The following TRIM2 variants were observed in gnomAD, a reference collection of about 807,000 sequenced individuals.
TRIM2 encodes the protein tripartite motif containing 2.
A neutral mutation model predicts 75.2 loss-of-function variants in TRIM2; 20 were observed. The observed-to-expected ratio is 0.27, with a 90% CI of 0.19 to 0.39. The LOEUF is 0.39. TRIM2 is among the 10% of genes least tolerant of loss of function. TRIM2 has a pLI of 1.00. For missense variants in TRIM2, 660 were observed against 990.8 expected, an observed-to-expected ratio of 0.67 and a Z score of 4.48; for synonymous variants, 373 against 388.3, an observed-to-expected ratio of 0.96 and a Z score of 0.46.
rs138052903 is a variant in TRIM2, at chr4:153,240,970, C to T, written c.31-29365C>T. Among the ~76,000 whole-genome samples the T allele has an allele frequency of 2.2e-3, 331 of 152,192 alleles. 12 individuals carry two copies. The East Asian group carries it at 0.057, about 26-fold the overall frequency. On this transcript the variant is annotated intron_variant, in intron 1 of 11. Transcript: ENST00000338700. Reference sequence around the variant, plus strand: ...CGCACAGCTGTAATCCCAGCTACTCCGGAGGCTGAGGCAGGAGAATCGCTT... The same window carrying T: ...CGCACAGCTGTAATCCCAGCTACTCTGGAGGCTGAGGCAGGAGAATCGCTT...
rs1318004722 is a variant in TRIM2, at chr4:153,339,159, T to A, written c.*4193T>A. On this transcript the variant is annotated 3_prime_UTR_variant, in exon 12 of 12. Transcript: ENST00000338700. ...AACGCTGTGCATCAAAGTGTTTGTA[T>A]GTTCGTAGCTACATACGTACCACAG... 3.0e-6 allele frequency: 3 copies of A among 985,752 alleles called. No individual in the cohort carries two copies. The highest frequency in any genetic ancestry group is 3.6e-6 in the Non-Finnish European group (3 of 829,926). The allele number at this position is 985,752 out of a possible 1,614,324, so 61.1% of individuals were successfully genotyped here.
intron 1 of TRIM2, among the ~76,000 whole-genome samples, chr4:153,265,508 T>A (rs1754759989): frequency 6.6e-6 from 1 of 152,120 alleles, no homozygotes; most frequent in Non-Finnish European, 1.5e-5. Flanking sequence ...CACGCCTGAC[T>A]AATTTTTTGT....
chr4:153,253,709 C>A (rs1264389377), intron 1 of TRIM2, among the ~76,000 whole-genome samples: 1 of 152,188 alleles, frequency 6.6e-6, no homozygotes, highest in Non-Finnish European at 1.5e-5. Flanking sequence ...CCACCAAAAC[C>A]AAGATGGCCT....
At chr4:153,235,544 C>T (rs1744806467) in intron 1 of TRIM2, among the ~76,000 whole-genome samples, 1 of 152,082 alleles carries the variant, frequency 6.6e-6, no homozygotes, top group Non-Finnish European at 1.5e-5. Flanking sequence ...CCTCAGCCTC[C>T]CAAAGTGCTG....
In TRIM2 at chr4:153,336,783, C is replaced by T. The variant is rs1772501558; in HGVS notation, c.*1817C>T. ...TCTGTTAAATTTATTATGCCCAAAT[C>T]AACCTCTGAAAAAAGGTTTTTCCAG... is the stretch of plus-strand genomic sequence containing the variant. On this transcript the variant is annotated 3_prime_UTR_variant, in exon 12 of 12. Coordinates refer to ENST00000338700, the MANE Select transcript of TRIM2 (RefSeq NM_015271.5). 5.1e-6 allele frequency: 5 copies of T among 985,598 alleles called. No homozygotes were observed. The highest frequency in any genetic ancestry group is 6.0e-6 in the Non-Finnish European group (5 of 829,738). 61.1% of individuals were successfully genotyped at this position (985,598 alleles called of 1,614,324 possible). A position where few individuals can be genotyped will look rare whatever the true frequency, so the allele number is the denominator to read the frequency against.
chr4:153,158,380 G>A (rs945087411), intron 1 of TRIM2, among the ~76,000 whole-genome samples: 3 of 152,072 alleles, frequency 2.0e-5, no homozygotes, highest in African/African-American at 7.2e-5. Context: ...CAATTTCATT[G>A]GAAATTTTAT....
intron 1 of TRIM2, among the ~76,000 whole-genome samples, chr4:153,243,205 A>T (rs1165733125): frequency 2.6e-5 from 4 of 152,238 alleles, no homozygotes; most frequent in African/African-American, 4.8e-5. Context: ...TGGAGCCCCC[A>T]AGCTTCCTAT....
chr4:153,338,421 C>G lies in TRIM2; in HGVS notation c.*3455C>G. 1 of 985,624 alleles carries G rather than the reference C, an allele frequency of 1.0e-6. No individual in the cohort carries two copies. Among genetic ancestry groups the G allele is most frequent in the Non-Finnish European group, 1.2e-6 (1 of 829,820 alleles). 61.1% of individuals were successfully genotyped at this position (985,624 alleles called of 1,614,324 possible). ...TTAATAATTTAAAAACAAGACATCTCCAGGTAGGAAAAAATGAAAGCTATT... is the reference window on the plus strand; with the variant it reads ...TTAATAATTTAAAAACAAGACATCTGCAGGTAGGAAAAAATGAAAGCTATT... On this transcript the variant is annotated 3_prime_UTR_variant, in exon 12 of 12. Transcript: ENST00000338700.
chr4:153,192,533 G>T (rs754469826), intron 1 of TRIM2, among the ~76,000 whole-genome samples: 1 of 150,764 alleles, frequency 6.6e-6, no homozygotes, highest in Non-Finnish European at 1.5e-5. Flanking sequence ...CCTGAGCCTG[G>T]AAGGTCAAGT....
chr4:153,266,344 G>GTT (rs768231926), intron 1 of TRIM2, among the ~76,000 whole-genome samples: 7,228 of 119,982 alleles, frequency 0.06, 853 homozygotes, highest in African/African-American at 0.22. Context: ...TAATTTTTGG[G>GTT]TTTTTTTTTT....
At chr4:153,176,350 G>C (rs1227581121) in intron 1 of TRIM2, among the ~76,000 whole-genome samples, 1 of 152,028 alleles carries the variant, frequency 6.6e-6, no homozygotes, top group Non-Finnish European at 1.5e-5. Flanking sequence ...CTACTAGGGA[G>C]GCTGAGGTGG....
At chr4:153,211,096 T>C (rs4274823) in intron 1 of TRIM2, among the ~76,000 whole-genome samples, 52,814 of 151,988 alleles carry the variant, frequency 0.35, 10,079 homozygotes, top group East Asian at 0.62. Context: ...CTGCCTTTTT[T>C]TCTCACAAGC....
intron 8 of TRIM2, among the ~76,000 whole-genome samples, chr4:153,321,806 G>A (rs766398310): frequency 6.6e-6 from 1 of 152,146 alleles, no homozygotes; most frequent in Admixed American, 6.5e-5. Flanking sequence ...ACTGCTTGCT[G>A]TGTGCTACAC....
chr4:153,184,235 C>T (rs767357980), intron 1 of TRIM2, among the ~76,000 whole-genome samples: 7 of 152,164 alleles, frequency 4.6e-5, no homozygotes, highest in South Asian at 2.1e-4. Flanking sequence ...GGCTGGAAGT[C>T]GAAGGTCAGG....
At chr4:153,266,951 A>G (rs1343897041) in intron 1 of TRIM2, 14 of 150,004 alleles carry the variant, frequency 9.3e-5, no homozygotes, top group African/African-American at 3.2e-4. Flanking sequence ...AGAAGGAGAA[A>G]CAAAATCTGT....
At chr4:153,195,107 C>T (rs1030131065) in intron 1 of TRIM2, among the ~76,000 whole-genome samples, 3 of 152,112 alleles carry the variant, frequency 2.0e-5, no homozygotes, top group Non-Finnish European at 2.9e-5. Flanking sequence ...TTAGGGTGGG[C>T]CTTAAATCCA....
intron 6 of TRIM2, among the ~76,000 whole-genome samples, chr4:153,313,023 A>C (rs2149516895): frequency 6.6e-6 from 1 of 152,264 alleles, no homozygotes; most frequent in African/African-American, 2.4e-5. Flanking sequence ...TATATAAGCA[A>C]CGTTAGACAA....
chr4:153,204,788 T>C (rs1734938983), intron 1 of TRIM2, among the ~76,000 whole-genome samples: 1 of 152,172 alleles, frequency 6.6e-6, no homozygotes, highest in Non-Finnish European at 1.5e-5. Context: ...GAGACACAGC[T>C]GGATTTGACA....
intron 1 of TRIM2, among the ~76,000 whole-genome samples, chr4:153,235,506 G>A (rs1444687466): frequency 3.9e-5 from 6 of 151,910 alleles, no homozygotes; most frequent in East Asian, 1.9e-4. Context: ...GGCTGGTCTC[G>A]AACTCCTCAA....
Sources: gnomAD v4.1 joint callset for allele counts (sites outside exome capture counted in the v4.1 genomes callset) on GRCh38, gnomAD v4.1.1 for gene constraint, MANE v1.5 for transcripts, NCBI Gene and HGNC (gene_info 2026-07-23, HGNC 2026-07-21) for gene names.